Variants in PLPP4 observed in about 807,000 individuals in gnomAD.
The protein encoded by PLPP4 is diacylglycerol pyrophosphate like 2.
A neutral mutation model predicts 32.2 loss-of-function variants in PLPP4; 20 were observed. The observed-to-expected ratio is 0.62, with a 90% CI of 0.44 to 0.90. PLPP4 has a LOEUF of 0.90. PLPP4 is among the 40% of genes least tolerant of loss of function. PLPP4 has a pLI of 0.00. For missense variants in PLPP4, 257 were observed against 353.1 expected (o/e 0.73, Z 2.18); for synonymous variants, 127 against 133.0 (o/e 0.95, Z 0.31).
At chr10:120,562,821 G>A (rs952705900) in intron 5 of PLPP4, among the ~76,000 whole-genome samples, 2 of 152,094 alleles carry the variant, frequency 1.3e-5, no homozygotes, top group African/African-American at 4.8e-5. Flanking sequence ...AGTAATATTG[G>A]TTGGTAATTC....
At chr10:120,548,791 C>T (rs974570503) in intron 5 of PLPP4, among the ~76,000 whole-genome samples, 1 of 151,976 alleles carries the variant, frequency 6.6e-6, no homozygotes, top group Admixed American at 6.6e-5. Context: ...AATGGTATCT[C>T]TTGGTGGCTT....
At chr10:120,561,578 A>G (rs1848435122) in intron 5 of PLPP4, among the ~76,000 whole-genome samples, 1 of 152,312 alleles carries the variant, frequency 6.6e-6, no homozygotes, top group Admixed American at 6.5e-5. Flanking sequence ...AATAAGACAA[A>G]TCTCCTTGGA....
chr10:120,590,187 A>T lies in PLPP4; in HGVS notation c.*685A>T, dbSNP rs1849950500. Among the ~76,000 whole-genome samples the T allele has an allele frequency of 6.6e-6, 1 of 152,212 alleles. No individual in the cohort carries two copies. The highest frequency in any genetic ancestry group is 1.9e-4 in the East Asian group (1 of 5,196). On this transcript the variant is annotated 3_prime_UTR_variant, in exon 7 of 7. Coordinates refer to ENST00000398250, the MANE Select transcript of PLPP4 (RefSeq NM_001030059.3). ...GGTCACAGCAGTTGCCTGAGGGTTC[A>T]TGGGCACAATATCCTTCCCATCTTC...
chr10:120,514,037 G>A, intron 3 of PLPP4, 36 bp downstream of exon 3: 1 of 1,444,704 alleles, frequency 6.9e-7, no homozygotes, highest in South Asian at 1.1e-5. Flanking sequence ...AGGGAATGGG[G>A]CTGACCTTAA....
In PLPP4 at chr10:120,546,646, A is replaced by T. The variant is rs146784568; in HGVS notation, c.445+25551A>T. On this transcript the variant is annotated intron_variant, in intron 5 of 6. Coordinates refer to ENST00000398250, the MANE Select transcript of PLPP4 (RefSeq NM_001030059.3). ...TCTGTGGCTCCTGCTCCTTCCCCCAACGCAGTGCCCTCCTGGCTCTTCCCT... is the reference window on the plus strand; with the variant it reads ...TCTGTGGCTCCTGCTCCTTCCCCCATCGCAGTGCCCTCCTGGCTCTTCCCT... Among the ~76,000 whole-genome samples the T allele has an allele frequency of 6.5e-3, 982 of 152,088 alleles. 10 individuals carry two copies. Among genetic ancestry groups the T allele is most frequent in the African/African-American group, 0.023 (947 of 41,472 alleles).
At chr10:120,535,348 G>C (rs1846967442) in intron 5 of PLPP4, among the ~76,000 whole-genome samples, 1 of 151,740 alleles carries the variant, frequency 6.6e-6, no homozygotes, top group Non-Finnish European at 1.5e-5. Flanking sequence ...TTACTCTCTT[G>C]ACATTTATTG....
At chr10:120,520,801 G>C (rs1425176236) in intron 4 of PLPP4, among the ~76,000 whole-genome samples, 170 bp from the exon 5 acceptor site, 1 of 151,860 alleles carries the variant, frequency 6.6e-6, no homozygotes, top group Non-Finnish European at 1.5e-5. Flanking sequence ...ACCAAAACCT[G>C]AGCTTTTTCC....
intron 5 of PLPP4, among the ~76,000 whole-genome samples, chr10:120,571,794 G>T (rs1464691421): frequency 2.0e-5 from 3 of 152,234 alleles, no homozygotes; most frequent in African/African-American, 4.8e-5. Flanking sequence ...AAAAACAGGA[G>T]TGCAGAGAAC....
intron 5 of PLPP4, among the ~76,000 whole-genome samples, chr10:120,563,451 GA>G (rs1180155559): frequency 2.0e-5 from 3 of 152,104 alleles, no homozygotes; most frequent in Admixed American, 6.5e-5. Flanking sequence ...ATATGTCCAT[GA>G]AAATGTGGTC....
chr10:120,473,016 T>C (rs1302269121), intron 1 of PLPP4, among the ~76,000 whole-genome samples: 1 of 152,200 alleles, frequency 6.6e-6, no homozygotes, highest in Non-Finnish European at 1.5e-5. Flanking sequence ...TCTTTCCCTA[T>C]CATCTTTTAA....
chr10:120,509,116 G>C (rs1845622708), intron 2 of PLPP4, among the ~76,000 whole-genome samples: 1 of 152,198 alleles, frequency 6.6e-6, no homozygotes. Flanking sequence ...GTCCCATCAA[G>C]CTCTAGAGAG....
At chr10:120,578,107 A>G (rs965460022) in intron 6 of PLPP4, among the ~76,000 whole-genome samples, 1 of 152,098 alleles carries the variant, frequency 6.6e-6, no homozygotes, top group African/African-American at 2.4e-5. Flanking sequence ...CAGGTTGAGA[A>G]CCCCTGTTCT....
intron 5 of PLPP4, among the ~76,000 whole-genome samples, chr10:120,547,473 T>C: frequency 6.6e-6 from 1 of 152,298 alleles, no homozygotes; most frequent in South Asian, 2.1e-4. Flanking sequence ...AGAAACCCAG[T>C]AGGAGAATGA....
At chr10:120,499,807 T>C (rs1845155072) in intron 1 of PLPP4, among the ~76,000 whole-genome samples, 1 of 152,112 alleles carries the variant, frequency 6.6e-6, no homozygotes, top group Non-Finnish European at 1.5e-5. Flanking sequence ...CTTCACACCT[T>C]CCCTAGAAGC....
intron 2 of PLPP4, among the ~76,000 whole-genome samples, chr10:120,512,152 A>G (rs764808215): frequency 1.8e-4 from 27 of 152,202 alleles, no homozygotes; most frequent in Non-Finnish European, 3.8e-4. Context: ...TGAGGAAATC[A>G]GTACTTCAAC....
intron 1 of PLPP4, among the ~76,000 whole-genome samples, chr10:120,472,848 C>T (rs1178702996): frequency 1.3e-5 from 2 of 152,040 alleles, no homozygotes; most frequent in Non-Finnish European, 2.9e-5. Flanking sequence ...TTCACTAATT[C>T]TTTATGCTAC....
At chr10:120,553,495 C>G (rs1358877507) in intron 5 of PLPP4, among the ~76,000 whole-genome samples, 1 of 152,188 alleles carries the variant, frequency 6.6e-6, no homozygotes, top group Admixed American at 6.5e-5. Flanking sequence ...TTCCAAGCCT[C>G]CAGAACTGGG....
intron 5 of PLPP4, among the ~76,000 whole-genome samples, chr10:120,528,164 T>TG (rs1846508487): frequency 7.6e-6 from 1 of 132,196 alleles, no homozygotes; most frequent in African/African-American, 2.8e-5. Flanking sequence ...AAGCTCCGCC[T>TG]GCCGGGTTCA....
intron 1 of PLPP4, among the ~76,000 whole-genome samples, chr10:120,490,490 G>A (rs1844669127): frequency 6.6e-6 from 1 of 152,250 alleles, no homozygotes; most frequent in South Asian, 2.1e-4. Flanking sequence ...TAGACATGCT[G>A]TGGGAAGCTG....
Sources: allele counts gnomAD v4.1 joint callset (sites outside exome capture counted in the v4.1 genomes callset), GRCh38; gene constraint gnomAD v4.1.1; transcripts MANE v1.5; gene names NCBI Gene and HGNC (gene_info 2026-07-23, HGNC 2026-07-21).